KALRN: variants seen among roughly 807,000 people sequenced by gnomAD.
KALRN encodes the protein kalirin.
A neutral mutation model predicts 353.7 loss-of-function variants in KALRN; 70 were observed. The ratio of observed to expected loss-of-function variants is 0.20; its 90% confidence interval spans 0.16 to 0.24. The LOEUF (loss-of-function observed/expected upper bound fraction) is 0.24, where lower values mean the gene tolerates loss of function less well. Ranked by LOEUF, KALRN falls within the 10% of genes least tolerant of loss-of-function variation. The pLI, the probability that KALRN is intolerant of heterozygous loss-of-function variation, is 1.00. For synonymous variants in KALRN, 1,391 were observed against 1,434.8 expected (o/e 0.97, Z 0.69); for missense variants, 2,791 against 3,756.7 (o/e 0.74, Z 6.72).
At position 124,125,766 on chromosome 3, in the gene KALRN, C is replaced by A. The variant is rs571676619; in HGVS notation, c.73+91953C>A. ...CTTCTACTCCTTGCCTTTGATTCCC[C>A]TGTGAGTGGCAGGGAAATACTTAGG... On this transcript the variant is annotated intron_variant, in intron 1 of 59. Transcript: ENST00000682506. Among the ~76,000 whole-genome samples, 4 of 152,320 alleles carry A rather than the reference C, an allele frequency of 2.6e-5. No homozygotes were observed. The East Asian group carries it at 7.7e-4, about 29-fold the overall frequency.
chr3:124,226,739 A>G (rs2078554185), intron 1 of KALRN, among the ~76,000 whole-genome samples: 1 of 152,134 alleles, frequency 6.6e-6, no homozygotes, highest in Admixed American at 6.5e-5. Flanking sequence ...GTTTCTTGAA[A>G]CAGTCAATGT....
At chr3:124,184,507 C>A (rs1473864511) in intron 1 of KALRN, among the ~76,000 whole-genome samples, 2 of 152,158 alleles carry the variant, frequency 1.3e-5, no homozygotes, top group African/African-American at 2.4e-5. Context: ...TGTTCTAGCC[C>A]TGCAAGACAG....
chr3:124,157,071 G>A (rs187066413), intron 1 of KALRN, among the ~76,000 whole-genome samples: 1 of 152,300 alleles, frequency 6.6e-6, no homozygotes, highest in Non-Finnish European at 1.5e-5. Context: ...AGAACCCAGA[G>A]ATATTAGATG....
intron 1 of KALRN, among the ~76,000 whole-genome samples, chr3:124,036,783 G>A (rs2039465785): frequency 6.6e-6 from 1 of 152,142 alleles, no homozygotes; most frequent in African/African-American, 2.4e-5. Context: ...CAAAATTCTG[G>A]CATACTGTGC....
At chr3:124,495,981 A>ATG (rs2063736868) in intron 32 of KALRN, among the ~76,000 whole-genome samples, 4 of 44,296 alleles carry the variant, frequency 9.0e-5, no homozygotes, top group African/African-American at 5.7e-4. Flanking sequence ...ATATATATAT[A>ATG]TATATATATA....
At chr3:124,070,250 A>G (rs1295209465) in intron 1 of KALRN, among the ~76,000 whole-genome samples, 1 of 152,166 alleles carries the variant, frequency 6.6e-6, no homozygotes, top group East Asian at 1.9e-4. Flanking sequence ...GTGATGGCTG[A>G]AAAACTTGCA....
chr3:124,334,556 C>A lies in KALRN; in HGVS notation c.1647+61C>A. The A allele has an allele frequency of 8.2e-7, 1 of 1,224,144 alleles. No homozygotes were observed. The highest frequency in any genetic ancestry group is 1.2e-6 in the Non-Finnish European group (1 of 855,662). The allele number at this position is 1,224,144 out of a possible 1,614,324, so 75.8% of individuals were successfully genotyped here. On this transcript the variant is annotated intron_variant, in intron 9 of 59. Coordinates refer to ENST00000682506, the MANE Select transcript of KALRN (RefSeq NM_001388419.1). This position sits in a 1 kb window ranked among gnomAD's most constrained non-coding sequence, Gnocchi z 4.2. The stretch of plus-strand genomic sequence containing the variant: ...TCTAGGAGGCAGACCGAGCTCAAGT[C>A]CCTGACCTAGGTGATCAGGCTTAGG...
At chr3:124,169,631 G>T (rs4677919) in intron 1 of KALRN, among the ~76,000 whole-genome samples, 57,491 of 151,912 alleles carry the variant, frequency 0.38, 11,261 homozygotes, top group African/African-American at 0.48. Context: ...GAAATGTTGT[G>T]CCAATCAATG....
chr3:124,276,862 G>A (rs1477463483), intron 5 of KALRN, among the ~76,000 whole-genome samples: 1 of 152,222 alleles, frequency 6.6e-6, no homozygotes, highest in Non-Finnish European at 1.5e-5. Flanking sequence ...CTGAGACTTG[G>A]TGTGCTTGAG....
At position 124,373,851 on chromosome 3, in the gene KALRN, C is replaced by CT. The variant is rs1462657801; in HGVS notation, c.1771-10989dup. Among the ~76,000 whole-genome samples the CT allele has an allele frequency of 5.9e-5, 9 of 152,294 alleles. No individual in the cohort carries two copies. The South Asian group carries it at 1.9e-3, about 32-fold the overall frequency. On this transcript the variant is annotated intron_variant, in intron 10 of 59. Coordinates refer to ENST00000682506, the MANE Select transcript of KALRN (RefSeq NM_001388419.1). Reference sequence around the variant, plus strand: ...TACTGGGGTTAGAGCTACAGCATATCTTTTTGCAGGGACAGAATTCAACCC... The same window carrying CT: ...TACTGGGGTTAGAGCTACAGCATATCTTTTTTGCAGGGACAGAATTCAACCC...
At chr3:124,639,144 C>T (rs2081714046) in intron 37 of KALRN, among the ~76,000 whole-genome samples, 2 of 152,166 alleles carry the variant, frequency 1.3e-5, no homozygotes, top group Admixed American at 1.3e-4. Context: ...TTTCTTCCCT[C>T]CAAGTTTTTG....
At chr3:124,506,966 CAG>C (rs1359250337) in intron 33 of KALRN, among the ~76,000 whole-genome samples, 2 of 152,202 alleles carry the variant, frequency 1.3e-5, no homozygotes, top group African/African-American at 4.8e-5. Flanking sequence ...ATTGTAGACA[CAG>C]AGGATATGGC....
chr3:124,398,845 C>A lies in KALRN; in HGVS notation c.2320C>A (p.Arg774Ser), dbSNP rs768341806. 1.2e-6 allele frequency: 2 copies of A among 1,613,298 alleles called. No individual in the cohort carries two copies. Among genetic ancestry groups the A allele is most frequent in the Non-Finnish European group, 1.7e-6 (2 of 1,179,610 alleles). Residue 774 changes from arginine to serine, a missense_variant, in exon 13 of 60, where the codon CGC becomes AGC. Transcript: ENST00000682506. ...CAAGCTGGACATCTTCCTGCAACTG[C>A]GCATCTTTGAGCAGTACACCATCGA... ...KIKLDIFLQL[R>S]IFEQYTIEVT...
chr3:124,387,345 A>G (rs1195119278), intron 11 of KALRN, among the ~76,000 whole-genome samples: 1 of 152,238 alleles, frequency 6.6e-6, no homozygotes, highest in Non-Finnish European at 1.5e-5. Flanking sequence ...GCAGGTGAAG[A>G]AAGAGAAAGA....
At chr3:124,468,185 T>C (rs570586564) in intron 25 of KALRN, among the ~76,000 whole-genome samples, 1 of 152,350 alleles carries the variant, frequency 6.6e-6, no homozygotes, top group South Asian at 2.1e-4. Flanking sequence ...TACGCATGCA[T>C]ATATGCTATA....
intron 34 of KALRN, among the ~76,000 whole-genome samples, chr3:124,612,447 C>A (rs2078104982): frequency 6.6e-6 from 1 of 152,224 alleles, no homozygotes; most frequent in African/African-American, 2.4e-5. Context: ...AGGTGATCCA[C>A]CTGCCTCGGC....
intron 33 of KALRN, among the ~76,000 whole-genome samples, chr3:124,548,471 T>C (rs554998258): frequency 7.9e-5 from 12 of 152,304 alleles, no homozygotes; most frequent in African/African-American, 2.4e-4. Flanking sequence ...AGCTATCAAA[T>C]GGAAGGCAAA....
At chr3:124,618,374 C>T (rs1344835336) in intron 34 of KALRN, among the ~76,000 whole-genome samples, 1 of 151,948 alleles carries the variant, frequency 6.6e-6, no homozygotes, top group Non-Finnish European at 1.5e-5. Context: ...CTCGGCCTCT[C>T]AAAGTGCTGG....
chr3:124,561,189 C>A (rs2071961233), intron 33 of KALRN, among the ~76,000 whole-genome samples: 1 of 152,180 alleles, frequency 6.6e-6, no homozygotes, highest in Admixed American at 6.5e-5. Flanking sequence ...AAATCCTTCT[C>A]TCTGTGATGT....
Sources: allele counts gnomAD v4.1 joint callset (sites outside exome capture counted in the v4.1 genomes callset), GRCh38; gene constraint gnomAD v4.1.1; non-coding constraint Gnocchi (gnomAD v3.1); transcripts MANE v1.5; gene names NCBI Gene and HGNC (gene_info 2026-07-23, HGNC 2026-07-21).